ALOXE3: variants seen among roughly 807,000 people sequenced by gnomAD.
The protein encoded by ALOXE3 is arachidonate epidermal lipoxygenase 3.
A neutral mutation model predicts 87.5 loss-of-function variants in ALOXE3; 78 were observed. The observed-to-expected ratio is 0.89, with a 90% CI of 0.74 to 1.08. The LOEUF (loss-of-function observed/expected upper bound fraction) is 1.08. Ranked by LOEUF, ALOXE3 falls within the 50% of genes least tolerant of loss-of-function variation. The probability of loss-of-function intolerance (pLI) is 0.00; values close to 1 mark genes in which losing one functional copy is unlikely to be tolerated. For synonymous variants in ALOXE3, 363 were observed against 370.8 expected, an observed-to-expected ratio of 0.98 and a Z score of 0.24; for missense variants, 946 against 912.4, an observed-to-expected ratio of 1.04 and a Z score of -0.47.
At position 8,114,625 on chromosome 17, in the gene ALOXE3, G is replaced by C; in HGVS notation, c.555-16C>G. The C allele has an allele frequency of 1.9e-6, 3 of 1,613,888 alleles. No homozygotes were observed. The highest frequency in any genetic ancestry group is 2.5e-6 in the Non-Finnish European group (3 of 1,179,928). On this transcript the variant is annotated splice_polypyrimidine_tract_variant and intron_variant, in intron 5 of 15. Coordinates refer to ENST00000448843, the MANE Select transcript of ALOXE3 (RefSeq NM_021628.3). ...ATTCCCACTGCTGGGGGTCGGGGGA[G>C]TAGAAAGACAGAAACCAGTCAGTGG...
upstream of ALOXE3, chr17:8,118,527 A>G: frequency 6.5e-7 from 1 of 1,532,996 alleles, no homozygotes; most frequent in Non-Finnish European, 8.8e-7. Context: ...ATCACTAAAC[A>G]GTGGAGAGTT....
At chr17:8,101,498 C>T (rs1247845813) in intron 15 of ALOXE3, among the ~76,000 whole-genome samples, 1 of 152,130 alleles carries the variant, frequency 6.6e-6, no homozygotes, top group Non-Finnish European at 1.5e-5. Flanking sequence ...GAGAGCCCTC[C>T]ACCCTCATGC....
In ALOXE3 at chr17:8,109,222, T is replaced by G. The variant is rs766466825; in HGVS notation, c.1514A>C (p.Asn505Thr). The G allele has an allele frequency of 6.2e-7, 1 of 1,613,980 alleles. No homozygotes were observed. The highest frequency in any genetic ancestry group is 8.5e-7 in the Non-Finnish European group (1 of 1,180,026). ...CAGGCCGTCGTCTCGGTAGTGGTAG[T>G]TGGGGATAGCCAGGACGCCGCGGGC... is the stretch of plus-strand genomic sequence containing the variant. ...LRARGVLAIP[N>T]YHYRDDGLKI... The change falls in exon 12 of 16, where the codon AAC becomes ACC. Residue 505 changes from asparagine to threonine, a missense_variant. Coordinates refer to ENST00000448843, the MANE Select transcript of ALOXE3 (RefSeq NM_021628.3).
chr17:8,112,003 TG>T, intron 7 of ALOXE3, 89 bp downstream of exon 7: 1 of 1,200,204 alleles, frequency 8.3e-7, no homozygotes, highest in Non-Finnish European at 1.2e-6. Context: ...CTGGGAGGGC[TG>T]GGAGAGGGCC....
At chr17:8,107,510 C>G (rs1979408614) in intron 13 of ALOXE3, among the ~76,000 whole-genome samples, 1 of 152,032 alleles carries the variant, frequency 6.6e-6, no homozygotes, top group Non-Finnish European at 1.5e-5. Flanking sequence ...AAGTAAGACT[C>G]TGTCTCGCAC....
At chr17:8,105,188 T>C (rs7213892) in intron 13 of ALOXE3, among the ~76,000 whole-genome samples, 2 of 151,982 alleles carry the variant, frequency 1.3e-5, no homozygotes, top group African/African-American at 2.4e-5. Flanking sequence ...CTTCTCCCAC[T>C]TCATTTCCTT....
intron 4 of ALOXE3, 100 bp from the exon 5 acceptor site, chr17:8,115,157 C>A: frequency 6.7e-7 from 1 of 1,487,646 alleles, no homozygotes; most frequent in Non-Finnish European, 9.3e-7. Context: ...CAAAAACCAC[C>A]TACTTTCTGG....
At position 8,109,732 on chromosome 17, in the gene ALOXE3, G is replaced by A. The variant is rs189675792; in HGVS notation, c.1392+184C>T. Among the ~76,000 whole-genome samples the A allele has an allele frequency of 6.1e-3, 932 of 151,688 alleles. 15 individuals carry two copies. Among genetic ancestry groups the A allele is most frequent in the African/African-American group, 0.022 (889 of 41,282 alleles). On this transcript the variant is annotated intron_variant, in intron 11 of 15. Coordinates refer to ENST00000448843, the MANE Select transcript of ALOXE3 (RefSeq NM_021628.3). ...GGGGGAGACAGGGTCTGTGAAGGGGGCCGGTAGGAGACCGGAGACCGGCGG... is the reference window on the plus strand; with the variant it reads ...GGGGGAGACAGGGTCTGTGAAGGGGACCGGTAGGAGACCGGAGACCGGCGG...
chr17:8,100,527 G>GT (rs1978857868), intron 15 of ALOXE3, among the ~76,000 whole-genome samples: 1 of 152,270 alleles, frequency 6.6e-6, no homozygotes, highest in South Asian at 2.1e-4. Flanking sequence ...TATGTCTGTA[G>GT]TTTTTTTATT....
In ALOXE3 at chr17:8,118,166, C is replaced by T; in HGVS notation, c.-176G>A. Reference sequence around the variant, plus strand: ...TCTGGGATGTTCCTGGGCTTTCTCTCTCCGAAGCTCCCTGCTGGCGGCTCG... The same window carrying T: ...TCTGGGATGTTCCTGGGCTTTCTCTTTCCGAAGCTCCCTGCTGGCGGCTCG... On this transcript the variant is annotated 5_prime_UTR_variant, in exon 2 of 16. Coordinates refer to ENST00000448843, the MANE Select transcript of ALOXE3 (RefSeq NM_021628.3). 6.4e-7 allele frequency: 1 copy of T among 1,551,606 alleles called. No individual in the cohort carries two copies. The highest frequency in any genetic ancestry group is 1.2e-5 in the South Asian group (1 of 84,062).
At chr17:8,114,433 G>A (rs749282802) in intron 6 of ALOXE3, 51 bp downstream of exon 6, 8 of 1,613,524 alleles carry the variant, frequency 5.0e-6, no homozygotes, top group Admixed American at 1.7e-5. Flanking sequence ...ACGGGGAGGG[G>A]GATGGATGGG....
In ALOXE3 at chr17:8,108,506, T is replaced by G; in HGVS notation, c.1646A>C (p.Glu549Ala). 6.2e-7 allele frequency: 1 copy of G among 1,613,550 alleles called. No homozygotes were observed. Among genetic ancestry groups the G allele is most frequent in the Non-Finnish European group, 8.5e-7 (1 of 1,179,704 alleles). The change falls in exon 13 of 16, where the codon GAG (glutamate) becomes GCG (alanine). Residue 549 changes from glutamate to alanine, a missense_variant. Transcript: ENST00000448843. Reference protein sequence around the residue: ...QDSELQAWTGEIFAQAFLGRE... With the variant: ...QDSELQAWTGAIFAQAFLGRE... ...GCCCAGGAACGCCTGAGCAAAAATC[T>G]CGCCAGTCCAGGCCTGCAGCTCCGA... is the stretch of plus-strand genomic sequence containing the variant.
chr17:8,111,575 C>G, intron 7 of ALOXE3, 44 bp from the exon 8 acceptor site: 1 of 1,599,466 alleles, frequency 6.3e-7, no homozygotes, highest in Non-Finnish European at 8.6e-7. Flanking sequence ...AAACTACTTC[C>G]CTAGATCCTA....
chr17:8,118,714 G>A, upstream of ALOXE3: 1 of 1,537,328 alleles, frequency 6.5e-7, no homozygotes, highest in Non-Finnish European at 8.7e-7. Flanking sequence ...CTGCTCTGGA[G>A]TAGGGCAGGT....
intron 15 of ALOXE3, among the ~76,000 whole-genome samples, chr17:8,098,525 C>A (rs1978716488): frequency 6.6e-6 from 1 of 152,098 alleles, no homozygotes; most frequent in Admixed American, 6.6e-5. Flanking sequence ...CAGGCGTGAG[C>A]CACTACACCC....
intron 4 of ALOXE3, among the ~76,000 whole-genome samples, chr17:8,115,274 T>C (rs926780304): frequency 3.9e-5 from 6 of 152,176 alleles, no homozygotes; most frequent in African/African-American, 1.4e-4. Context: ...TGGGTTTGTG[T>C]TGAGATTAAA....
In ALOXE3 at chr17:8,116,813, A is replaced by G. The variant is rs1598219334; in HGVS notation, c.315T>C (p.Ile105=). The G allele has an allele frequency of 6.2e-7, 1 of 1,614,208 alleles. No individual in the cohort carries two copies. Among genetic ancestry groups the G allele is most frequent in the Non-Finnish European group, 8.5e-7 (1 of 1,180,030 alleles). Reference sequence around the variant, plus strand: ...TCAGCTCCACGGTGCAGTAGCCTTCAATCCACTGATAGCAGGGGAAGTGGG... The same window carrying G: ...TCAGCTCCACGGTGCAGTAGCCTTCGATCCACTGATAGCAGGGGAAGTGGG... ...SVSHFPCYQW[I]EGYCTVELRP... Residue 105 remains isoleucine, a synonymous_variant, in exon 3 of 16, where the codon ATT becomes ATC. Coordinates refer to ENST00000448843, the MANE Select transcript of ALOXE3 (RefSeq NM_021628.3).
Position 8,113,177 on chromosome 17 carries a change from A to ACTC in ALOXE3, c.681-984_681-982dup, listed in dbSNP as rs1980250856. 2.6e-5 allele frequency among the ~76,000 whole-genome samples: 4 copies of ACTC among 151,988 alleles called. No individual in the cohort carries two copies. The South Asian group carries it at 8.3e-4, about 32-fold the overall frequency. On this transcript the variant is annotated intron_variant, in intron 6 of 15. Coordinates refer to ENST00000448843, the MANE Select transcript of ALOXE3 (RefSeq NM_021628.3). ...CCTGAACTCCTCCTTGCACACATGA[A>ACTC]CTCCTCCATGAACACATGCCTTGGA...
chr17:8,115,514 A>G, intron 4 of ALOXE3, 93 bp downstream of exon 4: 1 of 1,343,326 alleles, frequency 7.4e-7, no homozygotes, highest in Non-Finnish European at 1.1e-6. Flanking sequence ...CTAGGCACCC[A>G]AGGTTGAGAA....
Sources: allele counts gnomAD v4.1 joint callset (sites outside exome capture counted in the v4.1 genomes callset), GRCh38; gene constraint gnomAD v4.1.1; transcripts MANE v1.5; gene names NCBI Gene and HGNC (gene_info 2026-07-23, HGNC 2026-07-21).